Variants in NAPA observed in about 807,000 individuals in gnomAD.
NAPA encodes NSF attachment protein alpha, also known as alpha-soluble NSF attachment protein.
NAPA carries 18 observed loss-of-function variants against 48.0 expected under a neutral mutation model. The observed-to-expected ratio is 0.38, with a 90% CI of 0.26 to 0.56. The LOEUF is 0.56. Ranked by LOEUF, NAPA falls within the 20% of genes least tolerant of loss-of-function variation. The pLI, the probability that NAPA is intolerant of heterozygous loss-of-function variation, is 0.77. For synonymous variants in NAPA, 152 were observed against 149.9 expected (o/e 1.01, Z -0.10); for missense variants, 315 against 385.0 (o/e 0.82, Z 1.52).
intron 1 of NAPA, among the ~76,000 whole-genome samples, chr19:47,507,958 C>T (rs1027177281): frequency 4.6e-5 from 7 of 152,172 alleles, no homozygotes; most frequent in Non-Finnish European, 5.9e-5. Flanking sequence ...AGGAAGGCTT[C>T]CTTCCCCATG....
At chr19:47,495,732 C>T in intron 3 of NAPA, 136 bp from the exon 4 acceptor site, 1 of 766,042 alleles carries the variant, frequency 1.3e-6, no homozygotes, top group African/African-American at 1.7e-5. Flanking sequence ...CCAGCGCTGC[C>T]ACACACTCTC....
chr19:47,504,397 C>CAAA (rs11367620), intron 1 of NAPA, among the ~76,000 whole-genome samples: 21 of 57,174 alleles, frequency 3.7e-4, no homozygotes, highest in African/African-American at 1.1e-3. Flanking sequence ...GACCTTGTCT[C>CAAA]AAAAAAAAAA....
chr19:47,490,173 T>G (rs1374372926), intron 9 of NAPA, among the ~76,000 whole-genome samples: 3 of 141,668 alleles, frequency 2.1e-5, no homozygotes, highest in Admixed American at 7.0e-5. Context: ...GGGGTGTGTG[T>G]GGTGTGTGTA....
At position 47,494,735 on chromosome 19, in the gene NAPA, CAA is replaced by C. The variant is rs11462456; in HGVS notation, c.342+813_342+814del. 8.5e-3 allele frequency among the ~76,000 whole-genome samples: 568 copies of C among 67,194 alleles called. 4 individuals are homozygous for C. The highest frequency in any genetic ancestry group is 0.033 in the African/African-American group (541 of 16,624). The allele number at this position is 67,194 out of a possible 152,430, so 44.1% of individuals were successfully genotyped here. A position where few individuals can be genotyped will look rare whatever the true frequency, so the allele number is the denominator to read the frequency against. On this transcript the variant is annotated intron_variant, in intron 4 of 10. Transcript: ENST00000263354. ...CCTAGATGAGAGAGAAACTCTGTCT[CAA>C]AAAAAAAAAAAAAAAAAAAAAGAGA...
intron 3 of NAPA, among the ~76,000 whole-genome samples, chr19:47,498,203 C>T (rs1049757947): frequency 4.6e-5 from 7 of 152,300 alleles, no homozygotes; most frequent in Non-Finnish European, 8.8e-5. Flanking sequence ...AGACAGAGGC[C>T]TTCTAGGCTG....
At chr19:47,498,605 G>T (rs1968493219) in intron 3 of NAPA, among the ~76,000 whole-genome samples, 1 of 152,108 alleles carries the variant, frequency 6.6e-6, no homozygotes, top group Non-Finnish European at 1.5e-5. Flanking sequence ...TTTTTTTGGG[G>T]ACAGGATCTC....
At chr19:47,488,731 A>AAC (rs1968154906) in intron 10 of NAPA, 1 of 158,420 alleles carries the variant, frequency 6.3e-6, no homozygotes, top group South Asian at 1.9e-4. Flanking sequence ...CATCCTGGCT[A>AAC]ACAGTGAAAC....
In NAPA at chr19:47,506,943, TGAA is replaced by T. The variant is rs1351561788; in HGVS notation, c.99-3444_99-3442del. The T allele has an allele frequency of 6.6e-6, 1 of 152,278 alleles. No homozygotes were observed. Among genetic ancestry groups the T allele is most frequent in the Non-Finnish European group, 1.5e-5 (1 of 68,058 alleles). 9.4% of individuals were successfully genotyped at this position (152,278 alleles called of 1,614,324 possible). A position where few individuals can be genotyped will look rare whatever the true frequency, so the allele number is the denominator to read the frequency against. On this transcript the variant is annotated intron_variant, in intron 1 of 10. Coordinates refer to ENST00000263354, the MANE Select transcript of NAPA (RefSeq NM_003827.4). The surrounding 1 kb of genome is among the most constrained non-coding windows in gnomAD (Gnocchi z 4.0). ...GTGCCTAGGTTCCAGTGGAAGATCC[TGAA>T]GAAGCCATTCACATACACATTTATT... is the stretch of plus-strand genomic sequence containing the variant.
rs958554697 is a variant in NAPA, at chr19:47,500,211, C to T, written c.295+422G>A. ...AAGCCAGGTTGGGCTAATTTCCGCT[C>T]CTTTTTCGGCAGCAACTCCTACCTG... On this transcript the variant is annotated intron_variant, in intron 3 of 10. Coordinates refer to ENST00000263354, the MANE Select transcript of NAPA (RefSeq NM_003827.4). 5.3e-5 allele frequency among the ~76,000 whole-genome samples: 8 copies of T among 152,208 alleles called. No individual in the cohort carries two copies. The East Asian group carries it at 1.5e-3, about 29-fold the overall frequency.
rs781126622 is a variant in NAPA, at chr19:47,500,677, C to G, written c.251G>C (p.Cys84Ser). 1 of 1,611,976 alleles carries G rather than the reference C, an allele frequency of 6.2e-7. No individual in the cohort carries two copies. The highest frequency in any genetic ancestry group is 8.5e-7 in the Non-Finnish European group (1 of 1,179,038). The change falls in exon 3 of 11, where the codon TGC becomes TCC. Residue 84 changes from cysteine to serine, a missense_variant. This residue lies in a region of NAPA where 173 missense variants were observed against 213.5 expected (regional missense o/e 0.81). Coordinates refer to ENST00000263354, the MANE Select transcript of NAPA (RefSeq NM_003827.4). ...GAATGCGTTGCCAGCGTCCACAAAG[C>G]AGGTGGCTGCGTCGTGCTTGCTCTG... ...QLQSKHDAAT[C>S]FVDAGNAFKK...
intron 8 of NAPA, 49 bp downstream of exon 8, chr19:47,491,966 A>G: frequency 6.5e-7 from 1 of 1,541,548 alleles, no homozygotes. Flanking sequence ...CCTGGAGATA[A>G]GCACATGGTG....
At chr19:47,510,816 T>C (rs926164867) in intron 1 of NAPA, among the ~76,000 whole-genome samples, 2 of 152,146 alleles carry the variant, frequency 1.3e-5, no homozygotes, top group Non-Finnish European at 2.9e-5. Context: ...CACTGTGCTG[T>C]AGTTAGGAAG....
chr19:47,501,189 G>C (rs959240894), intron 2 of NAPA, among the ~76,000 whole-genome samples: 30 of 152,282 alleles, frequency 2.0e-4, no homozygotes, highest in African/African-American at 7.2e-4. Flanking sequence ...GTGGCCTCCT[G>C]CACCTCCCGG....
intron 1 of NAPA, among the ~76,000 whole-genome samples, chr19:47,512,967 T>A (rs1968833677): frequency 6.6e-6 from 1 of 151,980 alleles, no homozygotes; most frequent in Non-Finnish European, 1.5e-5. Context: ...TCTGCAGATG[T>A]TCCCAGTCCC....
intron 2 of NAPA, among the ~76,000 whole-genome samples, chr19:47,502,601 T>A (rs930536852): frequency 2.0e-5 from 3 of 152,208 alleles, no homozygotes; most frequent in African/African-American, 7.2e-5. Context: ...TCCTCCACAG[T>A]CAGAAGTTCC....
chr19:47,490,972 C>A, intron 8 of NAPA, 116 bp from the exon 9 acceptor site: 1 of 784,276 alleles, frequency 1.3e-6, no homozygotes, highest in East Asian at 2.8e-5. Flanking sequence ...CTCTTGCACC[C>A]CTCCCCCAGC....
chr19:47,512,282 CCTCCCCGGCCCCA>C (rs1225640800), intron 1 of NAPA, among the ~76,000 whole-genome samples: 1 of 152,088 alleles, frequency 6.6e-6, no homozygotes, highest in East Asian at 1.9e-4. Context: ...CCTAGAGCAC[CCTCCCCGGCCCCA>C]CTCCCCAGCA....
At chr19:47,494,791 G>C (rs1026368644) in intron 4 of NAPA, among the ~76,000 whole-genome samples, 1 of 150,208 alleles carries the variant, frequency 6.7e-6, no homozygotes, top group Non-Finnish European at 1.5e-5. Flanking sequence ...AGGAGCCCCG[G>C]CCTGGGTGGG....
At chr19:47,499,130 G>A (rs1434929462) in intron 3 of NAPA, among the ~76,000 whole-genome samples, 2 of 152,226 alleles carry the variant, frequency 1.3e-5, no homozygotes, top group Non-Finnish European at 2.9e-5. Flanking sequence ...ACACCCTGCA[G>A]AGTCTCGCTG....
Sources: allele counts gnomAD v4.1 joint callset (sites outside exome capture counted in the v4.1 genomes callset), GRCh38; gene constraint gnomAD v4.1.1; regional missense constraint gnomAD v4.1.1; non-coding constraint Gnocchi (gnomAD v3.1); transcripts MANE v1.5; gene names NCBI Gene and HGNC (gene_info 2026-07-23, HGNC 2026-07-21).